The following CCNL1 variants were observed in gnomAD, a reference collection of about 807,000 sequenced individuals.
CCNL1 encodes the protein cyclin-L1.
CCNL1 carries 13 observed loss-of-function variants against 60.6 expected under a neutral mutation model. The observed-to-expected ratio is 0.21, with a 90% CI of 0.14 to 0.34. The LOEUF (loss-of-function observed/expected upper bound fraction) is 0.34. Among genes scored for constraint, CCNL1 ranks in the 10% least tolerant of loss-of-function variants. The probability of loss-of-function intolerance (pLI) is 1.00; values close to 1 mark genes in which losing one functional copy is unlikely to be tolerated. For synonymous variants in CCNL1, 270 were observed against 244.3 expected, an observed-to-expected ratio of 1.10 and a Z score of -0.98; for missense variants, 481 against 664.3, an observed-to-expected ratio of 0.72 and a Z score of 3.03.
chr3:157,147,710 A>G lies in CCNL1; in HGVS notation c.*531T>C, dbSNP rs151034858. ...AAACTACCATCTAATGGAGGAAAGA[A>G]TAAGTTTGTCAGAAAACCAGTACAG... On this transcript the variant is annotated 3_prime_UTR_variant, in exon 11 of 11. Transcript: ENST00000295926. 503 of 985,310 alleles carry G rather than the reference A, an allele frequency of 5.1e-4. 1 individual carries two copies. The African/African-American group carries it at 8.4e-3, about 16-fold the overall frequency. 61.0% of individuals were successfully genotyped at this position (985,310 alleles called of 1,614,324 possible). A position where few individuals can be genotyped will look rare whatever the true frequency, so the allele number is the denominator to read the frequency against.
chr3:157,152,298 AGTTC>A, intron 4 of CCNL1, 57 bp from the exon 5 acceptor site: 1 of 1,571,174 alleles, frequency 6.4e-7, no homozygotes, highest in African/African-American at 1.4e-5. Flanking sequence ...TTCGGAGTAG[AGTTC>A]AATGAAAAAA....
At position 157,159,843 on chromosome 3, in the gene CCNL1, G is replaced by C; in HGVS notation, c.252C>G (p.Ile84Met). The C allele has an allele frequency of 6.4e-7, 1 of 1,561,370 alleles. No homozygotes were observed. The highest frequency in any genetic ancestry group is 8.7e-7 in the Non-Finnish European group (1 of 1,151,388). The change falls in exon 1 of 11, where the codon ATC becomes ATG. Residue 84 changes from isoleucine to methionine, a missense_variant. Ile to Met is a conservative substitution (Grantham distance 10, BLOSUM62 1). This residue lies in a region of CCNL1 where 130 missense variants were observed against 174.5 expected (regional missense o/e 0.75). Coordinates refer to ENST00000295926, the MANE Select transcript of CCNL1 (RefSeq NM_020307.4). Reference sequence around the variant, plus strand: ...CGGCCTGGATGAGCTCGCAGCCCAGGATGCGTAAGTCCGTCTCACTGGGCA... The same window carrying C: ...CGGCCTGGATGAGCTCGCAGCCCAGCATGCGTAAGTCCGTCTCACTGGGCA... ...LDLPSETDLR[I>M]LGCELIQAAG... is the part of the protein sequence containing the mutation.
At chr3:157,152,954 T>C (rs1738310632) in intron 4 of CCNL1, 82 bp downstream of exon 4, 1 of 1,568,078 alleles carries the variant, frequency 6.4e-7, no homozygotes, top group South Asian at 1.2e-5. Flanking sequence ...AACACTCAGA[T>C]AGAAACATAA....
intron 5 of CCNL1, chr3:157,151,509 A>G: frequency 5.1e-6 from 5 of 985,922 alleles, no homozygotes; most frequent in Non-Finnish European, 6.0e-6. Context: ...AAGCAGTTAT[A>G]TAAATTAAGC....
chr3:157,151,683 A>T, intron 5 of CCNL1: 1 of 992,130 alleles, frequency 1.0e-6, no homozygotes. Context: ...ATTCATTTTG[A>T]TAGTTACAAG....
chr3:157,160,018 C>T lies in CCNL1; in HGVS notation c.77G>A (p.Ser26Asn). The change falls in exon 1 of 11, where the codon AGC (serine) becomes AAC (asparagine). Residue 26 changes from serine to asparagine, a missense_variant. Physicochemically the swap from Ser to Asn is conservative, Grantham distance 46 (BLOSUM62 1). Coordinates refer to ENST00000295926, the MANE Select transcript of CCNL1 (RefSeq NM_020307.4). Reference sequence around the variant, plus strand: ...CGTCGTCGTGGTCGTCGTCCCGGAGCTGGAGCCGCCCGCGCTTGGGGCGGC... The same window carrying T: ...CGTCGTCGTGGTCGTCGTCCCGGAGTTGGAGCCGCCCGCGCTTGGGGCGGC... ...SSAAPSAGGS[S>N]SGTTTTTTTT... The T allele has an allele frequency of 1.3e-6, 2 of 1,570,062 alleles. No individual in the cohort carries two copies. Among genetic ancestry groups the T allele is most frequent in the South Asian group, 1.2e-5 (1 of 85,720 alleles).
intron 3 of CCNL1, chr3:157,156,935 C>A: frequency 7.8e-7 from 1 of 1,289,752 alleles, no homozygotes; most frequent in Non-Finnish European, 1.0e-6. Context: ...CAGTGGCCAA[C>A]CTGTTAGTCC....
At chr3:157,146,703 A>G (rs1472622418), downstream of CCNL1, 2 of 350,542 alleles carry the variant, frequency 5.7e-6, no homozygotes, top group Middle Eastern at 4.0e-4. Flanking sequence ...TTCAATGTCT[A>G]TCTTGTAGGG....
At chr3:157,149,255 A>T (rs748239670) in intron 10 of CCNL1, 32 bp downstream of exon 10, 1 of 1,502,290 alleles carries the variant, frequency 6.7e-7, no homozygotes, top group South Asian at 1.1e-5. Flanking sequence ...AACTCCAAAT[A>T]AGACTGCTTC....
intron 3 of CCNL1, chr3:157,156,811 C>T: frequency 1.4e-6 from 1 of 709,852 alleles, no homozygotes; most frequent in Non-Finnish European, 2.0e-6. Flanking sequence ...ACTGATAGTA[C>T]TTTCTAATGA....
chr3:157,159,893 G>C lies in CCNL1; in HGVS notation c.202C>G (p.Pro68Ala). 2 of 1,604,548 alleles carry C rather than the reference G, an allele frequency of 1.2e-6. No individual in the cohort carries two copies. The highest frequency in any genetic ancestry group is 1.7e-6 in the Non-Finnish European group (2 of 1,175,600). ...AGGTCGAGCCCATCCTGCATGGATG[G>C]GGTGGGCGAGAGCCTCTCCTCCGGA... is the stretch of plus-strand genomic sequence containing the variant. The part of the protein sequence containing the change: ...LIPEERLSPT[P>A]SMQDGLDLPS... Residue 68 changes from proline to alanine, a missense_variant, in exon 1 of 11, where the codon CCA becomes GCA. Pro to Ala is a conservative substitution (Grantham distance 27). Around this residue, in one of 5 missense-constraint regions of CCNL1, gnomAD observed 130 missense variants for 174.5 expected, o/e 0.75. Coordinates refer to ENST00000295926, the MANE Select transcript of CCNL1 (RefSeq NM_020307.4).
Position 157,159,865 on chromosome 3 carries a change from G to C in CCNL1, c.230C>G (p.Pro77Arg). The C allele has an allele frequency of 6.3e-7, 1 of 1,588,648 alleles. No individual in the cohort carries two copies. Among genetic ancestry groups the C allele is most frequent in the Non-Finnish European group, 8.6e-7 (1 of 1,167,532 alleles). ...CAGGATGCGTAAGTCCGTCTCACTG[G>C]GCAGGTCGAGCCCATCCTGCATGGA... is the stretch of plus-strand genomic sequence containing the variant. ...TPSMQDGLDL[P>R]SETDLRILGC... Residue 77 changes from proline (P) to arginine (R), a missense_variant, in exon 1 of 11, where the codon CCC becomes CGC. Around this residue, in one of 5 missense-constraint regions of CCNL1, gnomAD observed 130 missense variants for 174.5 expected, o/e 0.75. Transcript: ENST00000295926.
At position 157,153,148 on chromosome 3, in the gene CCNL1, C is replaced by T; in HGVS notation, c.497G>A (p.Ser166Asn). ...LRQLRGKRTP[S>N]PLILDQNYIN... ...GTAGTTCTGATCAAGGATCAGGGGGCTTGGAGTCCTATAGTTTGTAAGAAA... is the reference window on the plus strand; with the variant it reads ...GTAGTTCTGATCAAGGATCAGGGGGTTTGGAGTCCTATAGTTTGTAAGAAA... The change falls in exon 4 of 11, where the codon AGC becomes AAC. Residue 166 changes from serine to asparagine, a missense_variant. By Grantham distance (46) the Ser-to-Asn change is conservative. Transcript: ENST00000295926. 1 of 1,610,868 alleles carries T rather than the reference C, an allele frequency of 6.2e-7. No homozygotes were observed. Among genetic ancestry groups the T allele is most frequent in the Non-Finnish European group, 8.5e-7 (1 of 1,178,872 alleles).
In CCNL1 at chr3:157,148,600, A is replaced by G. The variant is rs1232981369; in HGVS notation, c.1233-11T>C. 6.4e-7 allele frequency: 1 copy of G among 1,569,920 alleles called. No homozygotes were observed. The highest frequency in any genetic ancestry group is 2.2e-5 in the East Asian group (1 of 44,498). ...CGCCTATTATTATAGCTTAGATAAT[A>G]AAAATTTGAAGTTTAGGTTCAGTTT... On this transcript the variant is annotated splice_polypyrimidine_tract_variant and intron_variant, in intron 10 of 10. Transcript: ENST00000295926.
Position 157,148,158 on chromosome 3 carries a change from G to A in CCNL1, c.*83C>T, listed in dbSNP as rs184355678. 7.8e-4 allele frequency: 1,180 copies of A among 1,510,910 alleles called. 6 individuals carry two copies. In the East Asian group the frequency reaches 0.012, roughly 15 times the overall value. The allele number at this position is 1,510,910 out of a possible 1,614,324, so 93.6% of individuals were successfully genotyped here. ...AGAAATCAAATCCTAATCAGTTTGC[G>A]TTTAATGTTTTTGATTGAGTCCATA... is the stretch of plus-strand genomic sequence containing the variant. On this transcript the variant is annotated 3_prime_UTR_variant, in exon 11 of 11. Coordinates refer to ENST00000295926, the MANE Select transcript of CCNL1 (RefSeq NM_020307.4).
At chr3:157,149,149 T>A (rs987363389) in intron 10 of CCNL1, 138 bp downstream of exon 10, 3 of 642,128 alleles carry the variant, frequency 4.7e-6, no homozygotes, top group Non-Finnish European at 8.1e-6. Flanking sequence ...TCCAAACTCA[T>A]TTCTCATAAT....
At chr3:157,159,543 C>A in intron 1 of CCNL1, 64 bp from the exon 2 acceptor site, 1 of 1,449,750 alleles carries the variant, frequency 6.9e-7, no homozygotes, top group South Asian at 1.2e-5. Flanking sequence ...GCGCCGCCGC[C>A]ATTTTGTGCC....
At chr3:157,159,175 CAGG>C in intron 2 of CCNL1, 200 bp from the exon 3 acceptor site, 2 of 630,326 alleles carry the variant, frequency 3.2e-6, no homozygotes, top group Non-Finnish European at 5.5e-6. Flanking sequence ...CTCAATCTTA[CAGG>C]AGTTCTGCAT....
At chr3:157,148,614 T>C in intron 10 of CCNL1, 25 bp from the exon 11 acceptor site, 7 of 1,554,954 alleles carry the variant, frequency 4.5e-6, no homozygotes, top group Non-Finnish European at 5.2e-6. Context: ...ATTTGAAGTT[T>C]AGGTTCAGTT....
Sources: allele counts gnomAD v4.1 joint callset, GRCh38; gene constraint gnomAD v4.1.1; regional missense constraint gnomAD v4.1.1; transcripts MANE v1.5; gene names NCBI Gene and HGNC (gene_info 2026-07-23, HGNC 2026-07-21).